The following SPPL3 variants were observed in gnomAD, a reference collection of about 807,000 sequenced individuals.
The protein encoded by SPPL3 is signal peptide peptidase-like 3.
In SPPL3, 5 loss-of-function variants were observed where a neutral mutation model predicts 42.4. That is an observed-to-expected ratio of 0.12 (90% CI 0.06 to 0.25). The LOEUF (loss-of-function observed/expected upper bound fraction) is 0.25. SPPL3 is among the 10% of genes least tolerant of loss of function. The pLI is 1.00. For synonymous variants in SPPL3, 195 were observed against 181.8 expected, an observed-to-expected ratio of 1.07 and a Z score of -0.58; for missense variants, 235 against 489.0, an observed-to-expected ratio of 0.48 and a Z score of 4.90.
rs535862378 is a variant in SPPL3 at position 120,801,037 on chromosome 12, G to T, written c.102-9480C>A. Among the ~76,000 whole-genome samples, 5 of 152,324 alleles carry T rather than the reference G, an allele frequency of 3.3e-5. No individual in the cohort carries two copies. The East Asian group carries it at 5.8e-4, about 18-fold the overall frequency. On this transcript the variant is annotated intron_variant, in intron 2 of 10. Coordinates refer to ENST00000353487, the MANE Select transcript of SPPL3 (RefSeq NM_139015.5). ...TATACTTCTCTGACATATTTCAGAT[G>T]GTTTTCAGAAGGGCTGGAAATACAA...
At chr12:120,859,473 A>C (rs1592999544) in intron 1 of SPPL3, among the ~76,000 whole-genome samples, 1 of 152,360 alleles carries the variant, frequency 6.6e-6, no homozygotes, top group East Asian at 1.9e-4. Flanking sequence ...GTGACAGTAT[A>C]CAGCAGTGTG....
At chr12:120,844,401 C>A (rs779523828) in intron 1 of SPPL3, among the ~76,000 whole-genome samples, 17 of 152,172 alleles carry the variant, frequency 1.1e-4, no homozygotes, top group Non-Finnish European at 1.8e-4. Flanking sequence ...ACAACCAATT[C>A]TTTATGCCTG....
chr12:120,888,521 C>T (rs1873534488), intron 1 of SPPL3, among the ~76,000 whole-genome samples: 1 of 152,106 alleles, frequency 6.6e-6, no homozygotes, highest in Admixed American at 6.6e-5. Context: ...CATGGATGAG[C>T]CTTAAAAACA....
At chr12:120,872,712 G>C (rs1872967084) in intron 1 of SPPL3, among the ~76,000 whole-genome samples, 1 of 152,128 alleles carries the variant, frequency 6.6e-6, no homozygotes, top group Non-Finnish European at 1.5e-5. Context: ...ACACTTCCCA[G>C]AGCTCCCACA....
intron 1 of SPPL3, among the ~76,000 whole-genome samples, chr12:120,859,684 A>G (rs609700): frequency 0.48 from 73,356 of 151,792 alleles, 17,920 homozygotes; most frequent in East Asian, 0.56. Flanking sequence ...GGCCGGGTGC[A>G]GTGGCTCCCA....
rs1237388521 is a variant in SPPL3, at chr12:120,874,410, G to A, written c.23+29435C>T. ...AGAGGTTGCAGTGAGCTGAGATTGCGCCACTGCACTCCAGCCTAGATGACA... is the reference window on the plus strand; with the variant it reads ...AGAGGTTGCAGTGAGCTGAGATTGCACCACTGCACTCCAGCCTAGATGACA... On this transcript the variant is annotated intron_variant, in intron 1 of 10. Coordinates refer to ENST00000353487, the MANE Select transcript of SPPL3 (RefSeq NM_139015.5). Among the ~76,000 whole-genome samples, 7 of 141,082 alleles carry A rather than the reference G, an allele frequency of 5.0e-5. No individual in the cohort carries two copies. In the East Asian group the frequency reaches 6.2e-4, roughly 12 times the overall value. The allele number at this position is 141,082 out of a possible 152,430, so 92.6% of individuals were successfully genotyped here. A position where few individuals can be genotyped will look rare whatever the true frequency, so the allele number is the denominator to read the frequency against.
At chr12:120,867,951 TG>T (rs1872806936) in intron 1 of SPPL3, among the ~76,000 whole-genome samples, 1 of 152,150 alleles carries the variant, frequency 6.6e-6, no homozygotes, top group South Asian at 2.1e-4. Context: ...TTCACCATGT[TG>T]GCCAGGCTGG....
chr12:120,812,140 T>C (rs1870706120), intron 1 of SPPL3, among the ~76,000 whole-genome samples: 1 of 143,174 alleles, frequency 7.0e-6, no homozygotes, highest in Non-Finnish European at 1.6e-5. Context: ...GAGGAACAGA[T>C]TTTTTTTTTT....
chr12:120,837,056 G>C (rs1251103916), intron 1 of SPPL3, among the ~76,000 whole-genome samples: 1 of 152,100 alleles, frequency 6.6e-6, no homozygotes, highest in African/African-American at 2.4e-5. Flanking sequence ...GTGACATTAA[G>C]CTACTAGGTT....
chr12:120,796,959 C>G (rs1179974810), intron 2 of SPPL3, among the ~76,000 whole-genome samples: 2 of 152,132 alleles, frequency 1.3e-5, no homozygotes, highest in African/African-American at 4.8e-5. Flanking sequence ...ATCACGAGGT[C>G]AGGAGTTCGA....
intron 6 of SPPL3, among the ~76,000 whole-genome samples, chr12:120,772,319 G>A (rs780339497): frequency 3.6e-4 from 55 of 152,284 alleles, no homozygotes; most frequent in Admixed American, 3.9e-4. Context: ...ACCGCGCCCG[G>A]CCCAGTTGCT....
intron 6 of SPPL3, among the ~76,000 whole-genome samples, chr12:120,778,111 A>AGTTTTTT (rs1869394317): frequency 1.1e-5 from 1 of 90,940 alleles, no homozygotes; most frequent in Non-Finnish European, 2.0e-5. Context: ...CTGAAAAGCA[A>AGTTTTTT]TTTTTTTTTT....
chr12:120,891,131 C>T lies in SPPL3; in HGVS notation c.23+12714G>A, dbSNP rs538652251. On this transcript the variant is annotated intron_variant, in intron 1 of 10. Transcript: ENST00000353487. Reference sequence around the variant, plus strand: ...ATTGCTCAATCACATTTGCCATTCACATTTCTTCCCTACTTCTACTTGTTA... The same window carrying T: ...ATTGCTCAATCACATTTGCCATTCATATTTCTTCCCTACTTCTACTTGTTA... 1.3e-4 allele frequency among the ~76,000 whole-genome samples: 20 copies of T among 152,330 alleles called. No homozygotes were observed. In the South Asian group the frequency reaches 3.9e-3, roughly 30 times the overall value.
intron 2 of SPPL3, among the ~76,000 whole-genome samples, chr12:120,801,114 T>C (rs1870278934): frequency 6.6e-6 from 1 of 152,228 alleles, no homozygotes; most frequent in Non-Finnish European, 1.5e-5. Flanking sequence ...AGAGAAAATA[T>C]GCATTGATGA....
intron 1 of SPPL3, among the ~76,000 whole-genome samples, chr12:120,877,039 G>A (rs1177340972): frequency 6.6e-6 from 1 of 151,340 alleles, no homozygotes; most frequent in Non-Finnish European, 1.5e-5. Context: ...CACAACAGAC[G>A]TTACAAACAT....
At chr12:120,827,342 A>G (rs1871257278) in intron 1 of SPPL3, among the ~76,000 whole-genome samples, 1 of 147,336 alleles carries the variant, frequency 6.8e-6, no homozygotes, top group South Asian at 2.1e-4. Flanking sequence ...AATAATAATA[A>G]TAATAATAAT....
chr12:120,857,944 G>A (rs750930965), intron 1 of SPPL3, among the ~76,000 whole-genome samples: 2 of 152,076 alleles, frequency 1.3e-5, no homozygotes, highest in Non-Finnish European at 2.9e-5. Flanking sequence ...AAACCTGCAC[G>A]TCCTGCACAT....
intron 1 of SPPL3, among the ~76,000 whole-genome samples, chr12:120,840,277 C>CAAAAAAAAAAAAAAAAAAAAAAAAAA: frequency 2.3e-5 from 1 of 44,178 alleles, no homozygotes; most frequent in African/African-American, 8.9e-5. Flanking sequence ...GACTCTGTCT[C>CAAAAAAAAAAAAAAAAAAAAAAAAAA]AAAAAAAAAA....
intron 6 of SPPL3, 126 bp downstream of exon 6, chr12:120,782,529 G>A (rs900612602): frequency 2.7e-5 from 18 of 657,068 alleles, no homozygotes; most frequent in Admixed American, 8.4e-5. Context: ...TTGTTTTGGC[G>A]GGGGTGGGTG....
Sources: gnomAD v4.1 joint callset for allele counts (sites outside exome capture counted in the v4.1 genomes callset) on GRCh38, gnomAD v4.1.1 for gene constraint, MANE v1.5 for transcripts, NCBI Gene and HGNC (gene_info 2026-07-23, HGNC 2026-07-21) for gene names.